The following WARS2 variants were observed in gnomAD, a reference collection of about 807,000 sequenced individuals.
WARS2 encodes tryptophanyl tRNA synthetase 2, mitochondrial.
WARS2 carries 28 observed loss-of-function variants against 36.5 expected under a neutral mutation model. The observed-to-expected ratio is 0.77, with a 90% CI of 0.57 to 1.05. The LOEUF (loss-of-function observed/expected upper bound fraction) is 1.05. Ranked by LOEUF, WARS2 falls within the 50% of genes least tolerant of loss-of-function variation. The pLI, the probability that WARS2 is intolerant of heterozygous loss-of-function variation, is 0.00. For missense variants in WARS2, 435 were observed against 456.8 expected (o/e 0.95, Z 0.44); for synonymous variants, 174 against 178.4 (o/e 0.98, Z 0.20).
At chr1:119,108,154 T>G (rs1654374487) in intron 1 of WARS2, among the ~76,000 whole-genome samples, 1 of 152,038 alleles carries the variant, frequency 6.6e-6, no homozygotes, top group South Asian at 2.1e-4. Flanking sequence ...TTGTAATGTC[T>G]TTGTATTTTG....
chr1:119,084,713 C>T (rs1246950706), intron 1 of WARS2, among the ~76,000 whole-genome samples: 1 of 152,096 alleles, frequency 6.6e-6, no homozygotes, highest in Non-Finnish European at 1.5e-5. Context: ...GGTATTTTCC[C>T]TTTCCTGAAA....
At chr1:119,098,398 T>C (rs1478873618) in intron 1 of WARS2, among the ~76,000 whole-genome samples, 2 of 152,154 alleles carry the variant, frequency 1.3e-5, no homozygotes, top group African/African-American at 4.8e-5. Context: ...AAGTTCAGAG[T>C]AGATGTTATG....
chr1:119,033,984 C>T (rs184502507), intron 5 of WARS2, 111 bp downstream of exon 5: 4 of 839,890 alleles, frequency 4.8e-6, no homozygotes, highest in Admixed American at 2.2e-5. Flanking sequence ...GATCCTGAAG[C>T]CTGTCTACAA....
intron 2 of WARS2, among the ~76,000 whole-genome samples, chr1:119,052,793 T>C (rs557614699): frequency 1.3e-3 from 202 of 152,344 alleles, no homozygotes; most frequent in African/African-American, 4.7e-3. Flanking sequence ...TCACATGACA[T>C]ATTGGTACCT....
intron 2 of WARS2, chr1:119,062,976 G>A (rs1025279142): frequency 6.5e-6 from 1 of 152,916 alleles, no homozygotes; most frequent in African/African-American, 2.4e-5. Flanking sequence ...CTGGGTAACA[G>A]GCAGAGATTG....
chr1:119,127,256 G>T, intron 1 of WARS2: 1 of 762,676 alleles, frequency 1.3e-6, no homozygotes, highest in Non-Finnish European at 2.3e-6. Context: ...CCTTTTTGCC[G>T]CCTTTCATAA....
intron 2 of WARS2, among the ~76,000 whole-genome samples, chr1:119,050,073 G>A (rs1649213526): frequency 6.6e-6 from 1 of 152,174 alleles, no homozygotes; most frequent in South Asian, 2.1e-4. Flanking sequence ...ATGAGGCAAA[G>A]TCATCTCCTC....
At chr1:119,059,388 T>C (rs933399248) in intron 2 of WARS2, among the ~76,000 whole-genome samples, 9 of 152,182 alleles carry the variant, frequency 5.9e-5, no homozygotes, top group South Asian at 2.1e-4. Context: ...CCCATTCCTA[T>C]GTCCTGAATG....
At position 119,034,233 on chromosome 1, in the gene WARS2, G is replaced by A. The variant is rs748763392; in HGVS notation, c.516-20C>T. Reference sequence around the variant, plus strand: ...GTGGACCTTTAATAAAAGACAGACAGAAAAACAACAGCAAGGCTCTTTCTT... The same window carrying A: ...GTGGACCTTTAATAAAAGACAGACAAAAAAACAACAGCAAGGCTCTTTCTT... On this transcript the variant is annotated intron_variant, in intron 4 of 5. Coordinates refer to ENST00000235521, the MANE Select transcript of WARS2 (RefSeq NM_015836.4). The A allele has an allele frequency of 6.3e-7, 1 of 1,591,620 alleles. No homozygotes were observed. Among genetic ancestry groups the A allele is most frequent in the South Asian group, 1.1e-5 (1 of 90,038 alleles).
At chr1:119,039,371 G>GTA (rs1011607769) in intron 4 of WARS2, among the ~76,000 whole-genome samples, 24 of 151,548 alleles carry the variant, frequency 1.6e-4, no homozygotes, top group East Asian at 3.9e-4. Flanking sequence ...ATGTGTGTGT[G>GTA]TATATATATA....
intron 2 of WARS2, among the ~76,000 whole-genome samples, chr1:119,066,346 T>C (rs148769494): frequency 0.017 from 2,509 of 151,290 alleles, 48 homozygotes; most frequent in East Asian, 0.078. Flanking sequence ...GGTGTGGTGG[T>C]GGGCGCCTGT....
At chr1:119,093,100 T>C (rs12096179) in intron 1 of WARS2, among the ~76,000 whole-genome samples, 58,109 of 151,710 alleles carry the variant, frequency 0.38, 11,577 homozygotes, top group African/African-American at 0.47. Flanking sequence ...ACTTCAAATA[T>C]ATGTAGATTA....
chr1:119,060,072 A>G (rs1650249878), intron 2 of WARS2, among the ~76,000 whole-genome samples: 1 of 152,198 alleles, frequency 6.6e-6, no homozygotes, highest in African/African-American at 2.4e-5. Flanking sequence ...CTGCACTTGT[A>G]CTCCTGAACT....
At chr1:119,116,565 A>G (rs993850426) in intron 1 of WARS2, among the ~76,000 whole-genome samples, 4 of 152,214 alleles carry the variant, frequency 2.6e-5, no homozygotes, top group Non-Finnish European at 5.9e-5. Flanking sequence ...GTGAGTTCCC[A>G]AAGTGTGAAA....
chr1:119,071,718 G>A (rs1359295518), intron 2 of WARS2, among the ~76,000 whole-genome samples: 1 of 152,100 alleles, frequency 6.6e-6, no homozygotes, highest in Admixed American at 6.6e-5. Flanking sequence ...AAAGTTAGAC[G>A]AGAGGAATAA....
At chr1:119,126,154 A>C (rs1433152271) in intron 1 of WARS2, among the ~76,000 whole-genome samples, 1 of 152,074 alleles carries the variant, frequency 6.6e-6, no homozygotes, top group African/African-American at 2.4e-5. Context: ...TCTCCCGAGC[A>C]ACCTCAACTC....
chr1:119,117,283 A>T (rs1374971716), intron 1 of WARS2, among the ~76,000 whole-genome samples: 1 of 152,136 alleles, frequency 6.6e-6, no homozygotes, highest in Non-Finnish European at 1.5e-5. Flanking sequence ...GCCCCACCTA[A>T]GGAGAGTCTG....
chr1:119,088,787 C>T (rs892784653), intron 1 of WARS2, among the ~76,000 whole-genome samples: 15 of 152,158 alleles, frequency 9.9e-5, no homozygotes, highest in Non-Finnish European at 1.9e-4. Context: ...ATAGCCTGGA[C>T]ATCACCAAGG....
intron 2 of WARS2, among the ~76,000 whole-genome samples, chr1:119,058,193 A>T (rs914155202): frequency 4.6e-5 from 7 of 152,212 alleles, no homozygotes; most frequent in Admixed American, 2.0e-4. Flanking sequence ...ATCTAGCTGG[A>T]GACCTAACAC....
Sources: gnomAD v4.1 joint callset for allele counts (sites outside exome capture counted in the v4.1 genomes callset) on GRCh38, gnomAD v4.1.1 for gene constraint, MANE v1.5 for transcripts, NCBI Gene and HGNC (gene_info 2026-07-23, HGNC 2026-07-21) for gene names.